Variants in SPAG16 observed in about 807,000 individuals in gnomAD.
SPAG16 encodes the protein sperm associated antigen 16, also known as sperm-associated antigen 16 protein.
In SPAG16, 86 loss-of-function variants were observed where a neutral mutation model predicts 80.4. The ratio of observed to expected loss-of-function variants is 1.07; its 90% CI spans 0.90 to 1.28. The LOEUF (loss-of-function observed/expected upper bound fraction) is 1.28, where lower values mean the gene tolerates loss of function less well. Ranked by LOEUF, SPAG16 falls within the 50% of genes most tolerant of loss-of-function variation. The pLI, the probability that SPAG16 is intolerant of heterozygous loss-of-function variation, is 0.00. For missense variants in SPAG16, 870 were observed against 765.3 expected (o/e 1.14, Z -1.61); for synonymous variants, 294 against 265.9 (o/e 1.11, Z -1.03).
chr2:214,395,952 C>A (rs1559269820), intron 15 of SPAG16, among the ~76,000 whole-genome samples: 1 of 152,124 alleles, frequency 6.6e-6, no homozygotes, highest in African/African-American at 2.4e-5. Context: ...TATGTTGATT[C>A]TGTGTCTTTG....
At chr2:213,617,602 A>G (rs541171768) in intron 10 of SPAG16, among the ~76,000 whole-genome samples, 59 of 152,174 alleles carry the variant, frequency 3.9e-4, no homozygotes, top group Non-Finnish European at 7.6e-4. Context: ...TTGGCCTACA[A>G]AGTGCTGAGA....
intron 13 of SPAG16, among the ~76,000 whole-genome samples, chr2:214,094,293 T>C (rs1473261668): frequency 6.6e-6 from 1 of 152,132 alleles, no homozygotes; most frequent in Non-Finnish European, 1.5e-5. Flanking sequence ...ATCTGCATTT[T>C]AATAAGATCT....
chr2:214,011,008 T>C (rs569860385), intron 12 of SPAG16, among the ~76,000 whole-genome samples: 2 of 146,018 alleles, frequency 1.4e-5, no homozygotes, highest in Non-Finnish European at 3.0e-5. Flanking sequence ...AGATCTTGTC[T>C]TGTAGTAAGA....
intron 13 of SPAG16, among the ~76,000 whole-genome samples, chr2:214,062,955 C>T (rs1413246528): frequency 6.6e-6 from 1 of 152,050 alleles, no homozygotes; most frequent in Non-Finnish European, 1.5e-5. Context: ...TTTAGTAGCA[C>T]ATTAAAATGT....
intron 10 of SPAG16, among the ~76,000 whole-genome samples, chr2:213,744,704 G>A (rs995053789): frequency 3.3e-5 from 5 of 152,116 alleles, no homozygotes; most frequent in African/African-American, 4.8e-5. Context: ...AAGGGATGGA[G>A]GAAGACTTTG....
intron 10 of SPAG16, among the ~76,000 whole-genome samples, chr2:213,596,776 T>A (rs983764082): frequency 1.3e-5 from 2 of 152,156 alleles, no homozygotes; most frequent in African/African-American, 4.8e-5. Flanking sequence ...TGTAGCTGGC[T>A]ATCCAAGTTA....
intron 15 of SPAG16, among the ~76,000 whole-genome samples, chr2:214,258,606 C>G (rs1576615663): frequency 6.6e-6 from 1 of 151,564 alleles, no homozygotes; most frequent in South Asian, 2.1e-4. Flanking sequence ...TGTAAACATG[C>G]GGGGGCAAGT....
At chr2:213,346,849 T>G (rs1240229496) in intron 6 of SPAG16, among the ~76,000 whole-genome samples, 2 of 149,082 alleles carry the variant, frequency 1.3e-5, no homozygotes, top group Non-Finnish European at 2.9e-5. Flanking sequence ...CTCTTTTTTT[T>G]TTTGTTGTGT....
At chr2:213,735,555 CAGCCAT>C (rs2067244487) in intron 10 of SPAG16, among the ~76,000 whole-genome samples, 1 of 152,128 alleles carries the variant, frequency 6.6e-6, no homozygotes, top group African/African-American at 2.4e-5. Context: ...AGTTGGTATC[CAGCCAT>C]TAGTCAAGAC....
At chr2:213,410,130 C>T (rs1459480613) in intron 9 of SPAG16, among the ~76,000 whole-genome samples, 5 of 152,062 alleles carry the variant, frequency 3.3e-5, no homozygotes, top group African/African-American at 1.2e-4. Flanking sequence ...GTGCCACCCC[C>T]TCCAGAGTCG....
At chr2:214,202,748 G>A (rs2125723593) in intron 15 of SPAG16, among the ~76,000 whole-genome samples, 1 of 152,276 alleles carries the variant, frequency 6.6e-6, no homozygotes, top group African/African-American at 2.4e-5. Context: ...CCAAGAGACA[G>A]AGAATTGAAT....
At chr2:213,981,764 G>C (rs1281250684) in intron 12 of SPAG16, among the ~76,000 whole-genome samples, 1 of 151,964 alleles carries the variant, frequency 6.6e-6, no homozygotes. Context: ...TATTGTGGTA[G>C]ATTATATGAA....
intron 15 of SPAG16, 66 bp from the exon 16 acceptor site, chr2:214,410,074 A>T: frequency 2.5e-6 from 4 of 1,569,510 alleles, no homozygotes; most frequent in Non-Finnish European, 3.5e-6. Flanking sequence ...CATTGCTTAT[A>T]AACTGTGAAC....
intron 15 of SPAG16, among the ~76,000 whole-genome samples, chr2:214,362,718 A>G (rs1437160035): frequency 2.0e-5 from 3 of 151,936 alleles, no homozygotes; most frequent in African/African-American, 7.2e-5. Context: ...TTCACCAAGC[A>G]TAGTTCCAAG....
chr2:213,417,543 A>G (rs2069330358), intron 9 of SPAG16, among the ~76,000 whole-genome samples: 2 of 152,380 alleles, frequency 1.3e-5, no homozygotes, highest in Non-Finnish European at 2.9e-5. Context: ...AAACTGTTAT[A>G]GAACTATTCC....
chr2:214,374,674 CA>C (rs1303854460), intron 15 of SPAG16, among the ~76,000 whole-genome samples: 6 of 152,162 alleles, frequency 3.9e-5, no homozygotes, highest in African/African-American at 1.4e-4. Flanking sequence ...GTTGAATAAT[CA>C]GGGATCCCAA....
chr2:214,193,634 C>A (rs1426046875), intron 15 of SPAG16, among the ~76,000 whole-genome samples: 1 of 151,888 alleles, frequency 6.6e-6, no homozygotes, highest in Non-Finnish European at 1.5e-5. Context: ...TCATGGGTAG[C>A]TACCTGAGGA....
At chr2:214,260,083 A>C (rs976909601) in intron 15 of SPAG16, among the ~76,000 whole-genome samples, 4 of 152,154 alleles carry the variant, frequency 2.6e-5, no homozygotes, top group African/African-American at 9.7e-5. Flanking sequence ...ATACTTAAAG[A>C]TTTTTGTTCT....
intron 13 of SPAG16, among the ~76,000 whole-genome samples, chr2:214,041,823 T>G (rs2049021892): frequency 6.6e-6 from 1 of 151,238 alleles, no homozygotes; most frequent in South Asian, 2.1e-4. Flanking sequence ...TTCTGAAATA[T>G]TTTTAAACAA....
Sources: allele counts gnomAD v4.1 joint callset (sites outside exome capture counted in the v4.1 genomes callset), GRCh38; gene constraint gnomAD v4.1.1; transcripts MANE v1.5; gene names NCBI Gene and HGNC (gene_info 2026-07-23, HGNC 2026-07-21).